Variants in SLC39A8 observed in about 807,000 individuals in gnomAD.
SLC39A8 encodes solute carrier family 39 member 8.
In SLC39A8, 15 loss-of-function variants were observed where a neutral mutation model predicts 40.4. That is an observed-to-expected ratio of 0.37 (90% CI 0.25 to 0.57). SLC39A8 has a LOEUF of 0.57. Among genes scored for constraint, SLC39A8 ranks in the 20% least tolerant of loss-of-function variants. The pLI is 0.75. For synonymous variants in SLC39A8, 223 were observed against 221.6 expected (o/e 1.01, Z -0.06); for missense variants, 472 against 558.8 (o/e 0.84, Z 1.57).
intron 6 of SLC39A8, among the ~76,000 whole-genome samples, chr4:102,279,214 C>T (rs1732768567): frequency 6.6e-6 from 1 of 152,046 alleles, no homozygotes; most frequent in African/African-American, 2.4e-5. Context: ...GATGGCCCTA[C>T]TGTCCAAGGC....
intron 2 of SLC39A8, among the ~76,000 whole-genome samples, chr4:102,321,275 T>C (rs573108769): frequency 1.3e-5 from 2 of 152,298 alleles, no homozygotes; most frequent in South Asian, 2.1e-4. Flanking sequence ...GACGATAGAA[T>C]GCTGGGAGAG....
intron 2 of SLC39A8, among the ~76,000 whole-genome samples, chr4:102,329,622 CAAAA>C (rs201339453): frequency 8.0e-5 from 6 of 75,006 alleles, no homozygotes; most frequent in Admixed American, 2.9e-4. Context: ...GAATCTGTCT[CAAAA>C]AAAAAAAAAA....
Position 102,338,909 on chromosome 4 carries a change from T to C in SLC39A8, c.219+5535A>G, listed in dbSNP as rs529481188. 2.0e-5 allele frequency among the ~76,000 whole-genome samples: 3 copies of C among 152,254 alleles called. No individual in the cohort carries two copies. In the East Asian group the frequency reaches 5.8e-4, roughly 29 times the overall value. On this transcript the variant is annotated intron_variant, in intron 2 of 8. Coordinates refer to ENST00000356736, the MANE Select transcript of SLC39A8 (RefSeq NM_001135146.2). ...GTAATGCCACACAGTAAAAGATTAA[T>C]AAATCCTAGCTATAATTATTACATT... is the stretch of plus-strand genomic sequence containing the variant.
chr4:102,320,215 G>GAGAA (rs1734863583), intron 2 of SLC39A8, among the ~76,000 whole-genome samples: 1 of 125,552 alleles, frequency 8.0e-6, no homozygotes, highest in Non-Finnish European at 1.6e-5. Context: ...ATATATATAT[G>GAGAA]TATATATGTA....
intron 6 of SLC39A8, among the ~76,000 whole-genome samples, chr4:102,286,426 T>A (rs1308798178): frequency 6.6e-6 from 1 of 152,164 alleles, no homozygotes; most frequent in Non-Finnish European, 1.5e-5. Context: ...TTCTTCTAAA[T>A]AGGGATAAGT....
chr4:102,276,996 A>G (rs777066776), intron 6 of SLC39A8, among the ~76,000 whole-genome samples: 14 of 152,234 alleles, frequency 9.2e-5, no homozygotes, highest in Non-Finnish European at 1.3e-4. Flanking sequence ...TCTCACAATA[A>G]TAAGAACTAT....
At chr4:102,325,335 C>T (rs1469467022) in intron 2 of SLC39A8, among the ~76,000 whole-genome samples, 1 of 152,100 alleles carries the variant, frequency 6.6e-6, no homozygotes, top group East Asian at 1.9e-4. Context: ...TTTTCTTACA[C>T]TTCTTACTGA....
chr4:102,293,527 G>A (rs536155918), intron 6 of SLC39A8, among the ~76,000 whole-genome samples: 2 of 152,114 alleles, frequency 1.3e-5, no homozygotes, highest in African/African-American at 2.4e-5. Flanking sequence ...CACTACTGCA[G>A]GACGCAAAAC....
intron 2 of SLC39A8, among the ~76,000 whole-genome samples, chr4:102,333,663 G>GA (rs1456977346): frequency 6.6e-6 from 1 of 152,166 alleles, no homozygotes. Flanking sequence ...TTGGGGAAAA[G>GA]AAAAGAGTTA....
chr4:102,314,710 G>A (rs1177045916), intron 3 of SLC39A8, among the ~76,000 whole-genome samples: 2 of 152,016 alleles, frequency 1.3e-5, no homozygotes, highest in East Asian at 1.9e-4. Context: ...ATCAGAGAGG[G>A]CTTCCTTGAT....
chr4:102,298,737 T>C (rs544730584), intron 6 of SLC39A8, among the ~76,000 whole-genome samples: 65 of 151,926 alleles, frequency 4.3e-4, no homozygotes, highest in Non-Finnish European at 6.5e-4. Context: ...CATGACAGCA[T>C]TGAGATTTGT....
intron 6 of SLC39A8, among the ~76,000 whole-genome samples, chr4:102,271,357 T>A (rs535786046): frequency 1.3e-5 from 2 of 149,246 alleles, no homozygotes; most frequent in East Asian, 3.9e-4. Context: ...ATAGCTTCAG[T>A]AATAAAGTGA....
intron 2 of SLC39A8, among the ~76,000 whole-genome samples, chr4:102,318,133 T>C (rs1734743995): frequency 6.6e-6 from 1 of 152,114 alleles, no homozygotes; most frequent in South Asian, 2.1e-4. Flanking sequence ...AATTGCCAAC[T>C]GTACATCATT....
At chr4:102,344,215 T>C in intron 2 of SLC39A8, among the ~76,000 whole-genome samples, 1 of 152,174 alleles carries the variant, frequency 6.6e-6, no homozygotes, top group East Asian at 1.9e-4. Context: ...TCTCAGTTCA[T>C]CAGGCGTAAA....
Position 102,253,164 on chromosome 4 carries a change from C to A in SLC39A8, c.*565G>T, listed in dbSNP as rs35608353. On this transcript the variant is annotated 3_prime_UTR_variant and NMD_transcript_variant, in exon 12 of 12. Transcript: ENST00000424970. ...AACTCAAACATGTCGTTTTTCGGGG[C>A]GAGCGGGGAGGGCGGCGGGGAACAC... The A allele has an allele frequency of 1.1e-5, 4 of 353,152 alleles. No homozygotes were observed. In the East Asian group the frequency reaches 1.3e-4, roughly 11 times the overall value. The allele number at this position is 353,152 out of a possible 1,614,324, so 21.9% of individuals were successfully genotyped here.
At chr4:102,270,988 T>G (rs768035859) in intron 6 of SLC39A8, among the ~76,000 whole-genome samples, 12 of 151,192 alleles carry the variant, frequency 7.9e-5, no homozygotes, top group Non-Finnish European at 1.6e-4. Context: ...TGAGGAGGCC[T>G]GGGGGAATAG....
At chr4:102,301,244 T>C (rs932194266) in intron 6 of SLC39A8, among the ~76,000 whole-genome samples, 2 of 152,064 alleles carry the variant, frequency 1.3e-5, no homozygotes, top group African/African-American at 2.4e-5. Flanking sequence ...CTCTCCAGCA[T>C]TGATGTGGGG....
At chr4:102,335,432 C>G (rs1222377110) in intron 2 of SLC39A8, among the ~76,000 whole-genome samples, 1 of 147,306 alleles carries the variant, frequency 6.8e-6, no homozygotes, top group Non-Finnish European at 1.5e-5. Flanking sequence ...TGTTTTCTAT[C>G]CAACAGGGTT....
chr4:102,272,805 A>T (rs1164790797), intron 6 of SLC39A8, among the ~76,000 whole-genome samples: 2 of 151,962 alleles, frequency 1.3e-5, no homozygotes, highest in Non-Finnish European at 2.9e-5. Context: ...CTCTGAGGGC[A>T]AGCAGAAGCA....
Sources: allele counts gnomAD v4.1 joint callset (sites outside exome capture counted in the v4.1 genomes callset), GRCh38; gene constraint gnomAD v4.1.1; transcripts MANE v1.5; gene names NCBI Gene and HGNC (gene_info 2026-07-23, HGNC 2026-07-21).